GABRA3: variants seen among roughly 807,000 people sequenced by gnomAD.
GABRA3 encodes the protein gamma-aminobutyric acid type A receptor subunit alpha3, also known as gamma-aminobutyric acid receptor subunit alpha-3.
In GABRA3, 10 loss-of-function variants were observed where a neutral mutation model predicts 30.1. The observed-to-expected ratio is 0.33, with a 90% confidence interval of 0.20 to 0.56. The LOEUF (loss-of-function observed/expected upper bound fraction) is 0.56, where lower values mean the gene tolerates loss of function less well. Ranked by LOEUF, GABRA3 falls within the 20% of genes least tolerant of loss-of-function variation. The probability of loss-of-function intolerance (pLI) is 0.89; values close to 1 mark genes in which losing one functional copy is unlikely to be tolerated. For synonymous variants in GABRA3, 151 were observed against 146.8 expected, an observed-to-expected ratio of 1.03 and a Z score of -0.21; for missense variants, 233 against 392.0, an observed-to-expected ratio of 0.59 and a Z score of 3.42.
chrX:152,358,068 GT>G (rs1057000221), intron 2 of GABRA3, among the ~76,000 whole-genome samples: 1 of 89,307 alleles, frequency 1.1e-5, no homozygotes, highest in Non-Finnish European at 2.3e-5. Context: ...TTTTAAAATA[GT>G]TTTTTTCTAG....
intron 1 of GABRA3, among the ~76,000 whole-genome samples, chrX:152,386,748 A>G (rs932621055): frequency 1.8e-5 from 2 of 110,864 alleles, no homozygotes; most frequent in Admixed American, 9.6e-5. Context: ...GCGATTCCTC[A>G]GGGATCTAGA....
intron 7 of GABRA3, among the ~76,000 whole-genome samples, chrX:152,204,692 T>C (rs1401709564): frequency 8.9e-6 from 1 of 112,315 alleles, no homozygotes; most frequent in Admixed American, 9.4e-5. Flanking sequence ...TAAACCCATA[T>C]ATTACTTTGA....
At chrX:152,352,387 C>T (rs1940491548) in intron 2 of GABRA3, among the ~76,000 whole-genome samples, 3 of 111,625 alleles carry the variant, frequency 2.7e-5, no homozygotes, top group African/African-American at 9.7e-5. Flanking sequence ...TAACTTCCCC[C>T]CAAACTCCTG....
At chrX:152,342,714 T>TC (rs1309526836) in intron 3 of GABRA3, among the ~76,000 whole-genome samples, 1 of 111,753 alleles carries the variant, frequency 8.9e-6, no homozygotes. Context: ...TGATTTTTGT[T>TC]CCGAGATAAT....
intron 4 of GABRA3, among the ~76,000 whole-genome samples, chrX:152,273,044 A>T (rs1938976329): frequency 8.9e-6 from 1 of 111,866 alleles, no homozygotes; most frequent in African/African-American, 3.2e-5. Context: ...CTGACAAGGG[A>T]TTAACAACCA....
chrX:152,313,727 C>A (rs1405007363), intron 3 of GABRA3, among the ~76,000 whole-genome samples: 1 of 112,116 alleles, frequency 8.9e-6, no homozygotes, highest in Non-Finnish European at 1.9e-5. Context: ...GCTAAAACCA[C>A]ATCCTTTCCC....
At chrX:152,442,251 T>C (rs1207968783) in intron 1 of GABRA3, among the ~76,000 whole-genome samples, 3 of 110,968 alleles carry the variant, frequency 2.7e-5, no homozygotes, top group Non-Finnish European at 5.7e-5. Context: ...TAATGTTTCA[T>C]TTATTTTATT....
intron 5 of GABRA3, among the ~76,000 whole-genome samples, chrX:152,250,006 C>T (rs753824334): frequency 6.3e-5 from 7 of 110,853 alleles, no homozygotes; most frequent in Non-Finnish European, 1.3e-4. Context: ...TGCATGATGT[C>T]GATTCATGAA....
chrX:152,381,741 C>A (rs1255905677), intron 1 of GABRA3, among the ~76,000 whole-genome samples: 1 of 109,466 alleles, frequency 9.1e-6, no homozygotes, highest in South Asian at 4.0e-4. Flanking sequence ...TGATGTTCCC[C>A]TCCCTGTGTC....
At chrX:152,256,035 A>G (rs746790546) in intron 4 of GABRA3, 37 bp from the exon 5 acceptor site, 9 of 1,024,909 alleles carry the variant, frequency 8.8e-6, no homozygotes, top group Non-Finnish European at 1.2e-5. Flanking sequence ...GTTTCAGTTG[A>G]GTTCTGGTAA....
intron 9 of GABRA3, among the ~76,000 whole-genome samples, chrX:152,181,922 T>G (rs1199612816): frequency 9.0e-6 from 1 of 111,312 alleles, no homozygotes; most frequent in East Asian, 2.8e-4. Flanking sequence ...CTTGTTGAAT[T>G]GCTCTGGATA....
intron 4 of GABRA3, among the ~76,000 whole-genome samples, chrX:152,257,278 G>A (rs1212731816): frequency 1.8e-5 from 2 of 112,010 alleles, no homozygotes; most frequent in Admixed American, 9.5e-5. Context: ...TCATGAGGAT[G>A]TCCTGGGAAC....
chrX:152,290,171 A>G (rs1221968108), intron 3 of GABRA3, among the ~76,000 whole-genome samples: 1 of 111,457 alleles, frequency 9.0e-6, no homozygotes, highest in African/African-American at 3.3e-5. Flanking sequence ...CATCCTCTCC[A>G]GTATCTGTTC....
At chrX:152,448,240 A>C (rs1487413934) in intron 1 of GABRA3, among the ~76,000 whole-genome samples, 1 of 112,178 alleles carries the variant, frequency 8.9e-6, no homozygotes, top group Non-Finnish European at 1.9e-5. Flanking sequence ...GCTAAAATGC[A>C]AAATCCGAGG....
intron 1 of GABRA3, among the ~76,000 whole-genome samples, chrX:152,381,662 T>C (rs1468004510): frequency 1.8e-5 from 2 of 110,862 alleles, no homozygotes; most frequent in Non-Finnish European, 3.8e-5. Context: ...AACTGTCATC[T>C]ACATTAGGTA....
chrX:152,231,183 A>G (rs1938064052), intron 5 of GABRA3, among the ~76,000 whole-genome samples: 1 of 107,912 alleles, frequency 9.3e-6, no homozygotes, highest in South Asian at 3.9e-4. Context: ...ATACACACAT[A>G]TGTATATATA....
chrX:152,386,428 A>C (rs906473405), intron 1 of GABRA3, among the ~76,000 whole-genome samples: 5 of 111,107 alleles, frequency 4.5e-5, no homozygotes, highest in African/African-American at 1.6e-4. Context: ...CAGAATCTAC[A>C]ATGAACTCAA....
At chrX:152,292,998 G>A (rs911003206) in intron 3 of GABRA3, among the ~76,000 whole-genome samples, 5 of 111,350 alleles carry the variant, frequency 4.5e-5, no homozygotes, top group Non-Finnish European at 7.5e-5. Flanking sequence ...GAATAAGTGC[G>A]ATGTGGTGCT....
chrX:152,437,029 G>C (rs1446658203), intron 1 of GABRA3, among the ~76,000 whole-genome samples: 1 of 111,199 alleles, frequency 9.0e-6, no homozygotes. Context: ...ATGGGCAAAC[G>C]ATTTGAATGG....
Sources: allele counts gnomAD v4.1 joint callset (sites outside exome capture counted in the v4.1 genomes callset), GRCh38; gene constraint gnomAD v4.1.1; transcripts MANE v1.5; gene names NCBI Gene and HGNC (gene_info 2026-07-23, HGNC 2026-07-21).